The following CLPP variants were observed in gnomAD, a reference collection of about 807,000 sequenced individuals.
CLPP encodes the protein caseinolytic mitochondrial matrix peptidase proteolytic subunit.
Under a neutral mutation model 27.4 loss-of-function variants are expected in CLPP, and 14 were observed. The ratio of observed to expected loss-of-function variants is 0.51; its 90% CI spans 0.34 to 0.80. The LOEUF (loss-of-function observed/expected upper bound fraction) is 0.80. Ranked by LOEUF, CLPP falls within the 30% of genes least tolerant of loss-of-function variation. The pLI is 0.02. For missense variants in CLPP, 361 were observed against 403.6 expected, an observed-to-expected ratio of 0.89 and a Z score of 0.90; for synonymous variants, 193 against 166.6, an observed-to-expected ratio of 1.16 and a Z score of -1.22.
chr19:6,362,565 G>T, intron 3 of CLPP, 23 bp downstream of exon 3: 1 of 1,541,628 alleles, frequency 6.5e-7, no homozygotes, highest in Non-Finnish European at 9.0e-7. Context: ...TTTCCTGGGT[G>T]CCAGGGGCAC....
rs1568322374 is a variant in CLPP, at chr19:6,364,486, C to T, written c.402C>T (p.Asp134=). The change falls in exon 4 of 6, where the codon GAC becomes GAT. Residue 134 remains aspartate (D), a synonymous_variant. Transcript: ENST00000245816. ...TGACCGCGGGCCTGGCCATCTACGA[C>T]ACGATGCAGTACATCCTCAACCCGA... The part of the protein sequence containing the change: ...GVVTAGLAIY[D]TMQYILNPIC... The T allele has an allele frequency of 6.2e-7, 1 of 1,611,290 alleles. No individual in the cohort carries two copies. Among genetic ancestry groups the T allele is most frequent in the East Asian group, 2.2e-5 (1 of 44,802 alleles).
At chr19:6,361,837 C>CT (rs1470267295) in intron 1 of CLPP, 32 bp from the exon 2 acceptor site, 3 of 1,593,470 alleles carry the variant, frequency 1.9e-6, no homozygotes, top group Non-Finnish European at 2.5e-6. Flanking sequence ...GCTGGCTGCC[C>CT]CGGCCCCTCA....
chr19:6,362,225 C>T, intron 2 of CLPP: 3 of 602,764 alleles, frequency 5.0e-6, no homozygotes, highest in Non-Finnish European at 5.9e-6. Context: ...CCCTTCCTTT[C>T]CTGTGTCCCT....
At position 6,361,939 on chromosome 19, in the gene CLPP, C is replaced by T. The variant is rs752963636; in HGVS notation, c.269C>T (p.Pro90Leu). 1 of 1,596,572 alleles carries T rather than the reference C, an allele frequency of 6.3e-7. No individual in the cohort carries two copies. Among genetic ancestry groups the T allele is most frequent in the Admixed American group, 1.7e-5 (1 of 59,822 alleles). Residue 90 changes from proline to leucine, a missense_variant and splice_region_variant, in exon 2 of 6, where the codon CCG becomes CTG. By Grantham distance (98) the Pro-to-Leu change is moderately conservative. Transcript: ENST00000245816. ...GAGCGCATCGTGTGCGTCATGGGCC[C>T]GGTGAGCGCCCCGCGCCGGGACCCT... ...LRERIVCVMG[P>L]IDDSVASLVI...
At position 6,361,612 on chromosome 19, in the gene CLPP, C is replaced by T; in HGVS notation, c.38C>T (p.Ala13Val). Residue 13 changes from alanine (A) to valine (V), a missense_variant, in exon 1 of 6, where the codon GCG (alanine) becomes GTG (valine). Transcript: ENST00000245816. ...ATATTGGTAGGGGGGGCCCGGGTGG[C>T]GTCATGCAGGTACCCCGCGCTGGGG... ...PGILVGGARV[A>V]SCRYPALGPR... 1 of 1,415,694 alleles carries T rather than the reference C, an allele frequency of 7.1e-7. No individual in the cohort carries two copies. The highest frequency in any genetic ancestry group is 9.2e-7 in the Non-Finnish European group (1 of 1,084,516). The allele number at this position is 1,415,694 out of a possible 1,614,324, so 87.7% of individuals were successfully genotyped here.
chr19:6,361,851 C>G lies in CLPP; in HGVS notation c.199-18C>G. 1.3e-6 allele frequency: 2 copies of G among 1,596,250 alleles called. No homozygotes were observed. The highest frequency in any genetic ancestry group is 1.3e-5 in the African/African-American group (1 of 74,848). On this transcript the variant is annotated intron_variant, in intron 1 of 5. Coordinates refer to ENST00000245816, the MANE Select transcript of CLPP (RefSeq NM_006012.4). Reference sequence around the variant, plus strand: ...GGCTGGCTGCCCCGGCCCCTCACCTCCATCTTTCTACCCCCAGGGTCGCGG... The same window carrying G: ...GGCTGGCTGCCCCGGCCCCTCACCTGCATCTTTCTACCCCCAGGGTCGCGG...
intron 2 of CLPP, 139 bp downstream of exon 2, chr19:6,362,079 C>G: frequency 1.3e-6 from 1 of 767,208 alleles, no homozygotes; most frequent in South Asian, 1.7e-5. Context: ...CTTCTGACTC[C>G]CCTCCTGGCT....
In CLPP at chr19:6,368,870, A is replaced by G. The variant is rs2091874665; in HGVS notation, c.*160A>G. On this transcript the variant is annotated 3_prime_UTR_variant, in exon 6 of 6. Transcript: ENST00000245816. ...ATGGACGGGGCATTCCAGCTGAGAC[A>G]CTGTGATTTTAAATTAAATCTTTGT... 3.2e-6 allele frequency: 2 copies of G among 632,612 alleles called. No individual in the cohort carries two copies. Among genetic ancestry groups the G allele is most frequent in the Non-Finnish European group, 2.7e-6 (1 of 367,404 alleles). 39.2% of individuals were successfully genotyped at this position (632,612 alleles called of 1,614,324 possible). A position where few individuals can be genotyped will look rare whatever the true frequency, so the allele number is the denominator to read the frequency against.
At chr19:6,366,811 TG>T (rs2091864841) in intron 5 of CLPP, among the ~76,000 whole-genome samples, 1 of 151,936 alleles carries the variant, frequency 6.6e-6, no homozygotes, top group South Asian at 2.1e-4. Context: ...GCTAATTTTT[TG>T]TAGAGACGTG....
At chr19:6,365,652 C>G (rs980812069) in intron 4 of CLPP, among the ~76,000 whole-genome samples, 1 of 148,812 alleles carries the variant, frequency 6.7e-6, no homozygotes, top group Non-Finnish European at 1.5e-5. Flanking sequence ...GAGACCCCAT[C>G]TCTACCAAAT....
At chr19:6,365,961 AAAC>A (rs1251000885) in intron 4 of CLPP, among the ~76,000 whole-genome samples, 1 of 152,100 alleles carries the variant, frequency 6.6e-6, no homozygotes, top group Non-Finnish European at 1.5e-5. Flanking sequence ...TAAAAAAAAA[AAAC>A]AAAAAACAAA....
intron 2 of CLPP, 86 bp downstream of exon 2, chr19:6,362,026 C>G (rs1288313317): frequency 8.5e-6 from 11 of 1,299,180 alleles, no homozygotes. Flanking sequence ...TGGCCCCAGA[C>G]TTTCCCTCAG....
rs904803037 is a variant in CLPP, at chr19:6,369,188, C to T, written c.*478C>T. Among the ~76,000 whole-genome samples, 11 of 152,066 alleles carry T rather than the reference C, an allele frequency of 7.2e-5. No individual in the cohort carries two copies. Among genetic ancestry groups the T allele is most frequent in the Admixed American group, 2.0e-4 (3 of 15,252 alleles). On this transcript the variant is annotated 3_prime_UTR_variant, in exon 6 of 6. Coordinates refer to ENST00000245816, the MANE Select transcript of CLPP (RefSeq NM_006012.4). ...CTGTAATCCCAGCACTTTGGGAGCC[C>T]GAGGCAGGCGGATCATGAGGTCAGG...
In CLPP at chr19:6,364,509, C is replaced by G; in HGVS notation, c.425C>G (p.Pro142Arg). The change falls in exon 4 of 6, where the codon CCG (proline) becomes CGG (arginine). Residue 142 changes from proline to arginine, a missense_variant. Physicochemically the swap from Pro to Arg is moderately radical, Grantham distance 103 (BLOSUM62 -2). This residue lies in a region of CLPP where 213 missense variants were observed against 280.9 expected (regional missense o/e 0.76). Transcript: ENST00000245816. ...GACACGATGCAGTACATCCTCAACC[C>G]GATCTGCACCTGGTGCGTGGGCCAG... is the stretch of plus-strand genomic sequence containing the variant. ...IYDTMQYILN[P>R]ICTWCVGQAA... 1 of 1,612,178 alleles carries G rather than the reference C, an allele frequency of 6.2e-7. No homozygotes were observed. The highest frequency in any genetic ancestry group is 8.5e-7 in the Non-Finnish European group (1 of 1,179,684).
At chr19:6,363,337 G>C (rs2091845784) in intron 3 of CLPP, among the ~76,000 whole-genome samples, 1 of 151,938 alleles carries the variant, frequency 6.6e-6, no homozygotes, top group African/African-American at 2.4e-5. Context: ...ATGTTAGGCT[G>C]GTCTTGAACT....
At chr19:6,367,741 T>TGG (rs1272669904) in intron 5 of CLPP, among the ~76,000 whole-genome samples, 2 of 146,352 alleles carry the variant, frequency 1.4e-5, no homozygotes, top group African/African-American at 5.4e-5. Flanking sequence ...TTTTTTGAGA[T>TGG]GGAGTCTTGC....
At chr19:6,367,460 T>C (rs2091868387) in intron 5 of CLPP, among the ~76,000 whole-genome samples, 1 of 150,566 alleles carries the variant, frequency 6.6e-6, no homozygotes, top group African/African-American at 2.4e-5. Flanking sequence ...GAATAAACAC[T>C]CTGTGATTCC....
intron 5 of CLPP, among the ~76,000 whole-genome samples, chr19:6,367,398 G>A (rs541640487): frequency 1.9e-3 from 276 of 147,514 alleles, no homozygotes; most frequent in African/African-American, 6.6e-3. Flanking sequence ...AAAAAAAAGT[G>A]AATGTTCCAC....
Position 6,362,392 on chromosome 19 carries a change from AAAACTCTC to A in CLPP, c.271-53_271-46del, listed in dbSNP as rs2091840058. The A allele has an allele frequency of 8.4e-6, 11 of 1,307,696 alleles. No homozygotes were observed. In the South Asian group the frequency reaches 1.3e-4, roughly 15 times the overall value. The allele number at this position is 1,307,696 out of a possible 1,614,324, so 81.0% of individuals were successfully genotyped here. On this transcript the variant is annotated intron_variant, in intron 2 of 5. Coordinates refer to ENST00000245816, the MANE Select transcript of CLPP (RefSeq NM_006012.4). ...CCCTGACCCATCCCCAGCCTCCCTT[AAAACTCTC>A]TCCCCACCCCGAATCTGGGGACACC...
Sources: gnomAD v4.1 joint callset for allele counts (sites outside exome capture counted in the v4.1 genomes callset) on GRCh38, gnomAD v4.1.1 for gene constraint, gnomAD v4.1.1 regional missense constraint, MANE v1.5 for transcripts, NCBI Gene and HGNC (gene_info 2026-07-23, HGNC 2026-07-21) for gene names.